BNC2: variants seen among roughly 807,000 people sequenced by gnomAD.
The protein encoded by BNC2 is basonuclin zinc finger protein 2.
A neutral mutation model predicts 76.3 loss-of-function variants in BNC2; 20 were observed. The ratio of observed to expected loss-of-function variants is 0.26; its 90% CI spans 0.18 to 0.38. The LOEUF is 0.38. Ranked by LOEUF, BNC2 falls within the 10% of genes least tolerant of loss-of-function variation. The pLI is 1.00. For missense variants in BNC2, 1,382 were observed against 1,399.8 expected (o/e 0.99, Z 0.20); for synonymous variants, 582 against 514.8 (o/e 1.13, Z -1.77).
At chr9:16,864,354 T>C (rs893508255) in intron 1 of BNC2, among the ~76,000 whole-genome samples, 25 of 152,230 alleles carry the variant, frequency 1.6e-4, no homozygotes, top group African/African-American at 5.5e-4. Flanking sequence ...GTACTAAAAA[T>C]AGTTATGTTA....
intron 5 of BNC2, among the ~76,000 whole-genome samples, chr9:16,545,228 C>A (rs573648212): frequency 6.6e-6 from 1 of 152,174 alleles, no homozygotes; most frequent in African/African-American, 2.4e-5. Context: ...CTAAGAGGTA[C>A]AGTGAAATCC....
At chr9:16,512,613 CATTT>C (rs569484149) in intron 5 of BNC2, among the ~76,000 whole-genome samples, 61 of 152,220 alleles carry the variant, frequency 4.0e-4, no homozygotes, top group Middle Eastern at 3.4e-3. Flanking sequence ...TTACTTTATA[CATTT>C]ATTTGCGAGG....
chr9:16,691,504 CT>C lies in BNC2; in HGVS notation c.330+36292del, dbSNP rs71327842. ...CCAGATCCACGGATGGGTATGGGTT[CT>C]TTTTTTTTTTTTTTTTTTTTTTGAA... On this transcript the variant is annotated intron_variant, in intron 3 of 6. Coordinates refer to ENST00000380672, the MANE Select transcript of BNC2 (RefSeq NM_017637.6). Among the ~76,000 whole-genome samples, 1,128 of 113,154 alleles carry C rather than the reference CT, an allele frequency of 1.0e-2. 7 individuals carry two copies. Among genetic ancestry groups the C allele is most frequent in the African/African-American group, 0.036 (1,031 of 28,346 alleles). 74.2% of individuals were successfully genotyped at this position (113,154 alleles called of 152,430 possible). A position where few individuals can be genotyped will look rare whatever the true frequency, so the allele number is the denominator to read the frequency against.
intron 1 of BNC2, among the ~76,000 whole-genome samples, chr9:16,852,669 T>C (rs967820953): frequency 6.6e-6 from 1 of 151,686 alleles, no homozygotes; most frequent in Admixed American, 6.6e-5. Context: ...AAGAAAAAAA[T>C]CAGGGTAAGA....
chr9:16,692,998 C>T (rs533709129), intron 3 of BNC2, among the ~76,000 whole-genome samples: 17 of 112,946 alleles, frequency 1.5e-4, no homozygotes, highest in Middle Eastern at 4.6e-3. Flanking sequence ...GGCATGGTGG[C>T]GGGCACCTGT....
intron 1 of BNC2, among the ~76,000 whole-genome samples, chr9:16,778,151 AT>A (rs1223236534): frequency 6.6e-6 from 1 of 152,202 alleles, no homozygotes; most frequent in Non-Finnish European, 1.5e-5. Context: ...ATGAAAAACA[AT>A]GACTCTCATA....
intron 5 of BNC2, among the ~76,000 whole-genome samples, chr9:16,460,545 C>G (rs1209732060): frequency 6.6e-6 from 1 of 152,130 alleles, no homozygotes; most frequent in Non-Finnish European, 1.5e-5. Flanking sequence ...ATCACTTGTA[C>G]TCGGGAGGCA....
rs776813818 is a variant in BNC2, at chr9:16,857,242, T to C, written c.3+13404A>G. 5.9e-5 allele frequency among the ~76,000 whole-genome samples: 9 copies of C among 151,510 alleles called. No homozygotes were observed. The East Asian group carries it at 1.6e-3, about 26-fold the overall frequency. On this transcript the variant is annotated intron_variant, in intron 1 of 6. Transcript: ENST00000380672. The stretch of plus-strand genomic sequence containing the variant: ...CATGTAATCCCAGCACTTTGGGAGG[T>C]TGAGGTGGGCAGATCACCAGAGGTC...
chr9:16,471,485 G>A, intron 5 of BNC2, among the ~76,000 whole-genome samples: 1 of 151,946 alleles, frequency 6.6e-6, no homozygotes, highest in East Asian at 1.9e-4. Context: ...GTAGAGACAG[G>A]GTTTCACTAT....
At chr9:16,774,770 CA>C (rs1240934019) in intron 1 of BNC2, among the ~76,000 whole-genome samples, 1 of 152,104 alleles carries the variant, frequency 6.6e-6, no homozygotes, top group Non-Finnish European at 1.5e-5. Flanking sequence ...ACTAAGGCTA[CA>C]AAATATTTAA....
At chr9:16,532,550 G>A (rs1818014947) in intron 5 of BNC2, among the ~76,000 whole-genome samples, 1 of 152,162 alleles carries the variant, frequency 6.6e-6, no homozygotes, top group African/African-American at 2.4e-5. Context: ...GCCAGCCTAT[G>A]AGAGCTGATT....
chr9:16,767,445 T>C (rs566960757), intron 1 of BNC2, among the ~76,000 whole-genome samples: 1 of 152,252 alleles, frequency 6.6e-6, no homozygotes, highest in Non-Finnish European at 1.5e-5. Flanking sequence ...AAAACTCAAA[T>C]CAGGCTAGTA....
At chr9:16,762,344 G>A (rs1455596958) in intron 1 of BNC2, among the ~76,000 whole-genome samples, 1 of 152,164 alleles carries the variant, frequency 6.6e-6, no homozygotes, top group Non-Finnish European at 1.5e-5. Context: ...AAGACATCCA[G>A]AGATCTTTAC....
At chr9:16,726,559 TAAAA>T (rs35579154) in intron 3 of BNC2, among the ~76,000 whole-genome samples, 1,600 of 102,410 alleles carry the variant, frequency 0.016, 18 homozygotes, top group African/African-American at 0.039. Context: ...AAAAGCTTTT[TAAAA>T]AAAAAAAAAA....
chr9:16,573,012 G>A (rs1288727450), intron 4 of BNC2, among the ~76,000 whole-genome samples: 1 of 152,056 alleles, frequency 6.6e-6, no homozygotes, highest in Non-Finnish European at 1.5e-5. Context: ...AAGATCATTT[G>A]CATCTAGGAG....
intron 3 of BNC2, among the ~76,000 whole-genome samples, chr9:16,617,542 A>C (rs1159380763): frequency 6.6e-6 from 1 of 151,966 alleles, no homozygotes; most frequent in Non-Finnish European, 1.5e-5. Context: ...AAAAAAAAAA[A>C]AACCACGATT....
At chr9:16,594,343 T>C (rs534797199) in intron 3 of BNC2, among the ~76,000 whole-genome samples, 20 of 152,294 alleles carry the variant, frequency 1.3e-4, no homozygotes, top group Middle Eastern at 3.4e-3. Context: ...CCTAAGTCAG[T>C]ATCTTTCCCT....
intron 1 of BNC2, among the ~76,000 whole-genome samples, chr9:16,837,204 T>A (rs1156396089): frequency 6.6e-6 from 1 of 152,106 alleles, no homozygotes; most frequent in Non-Finnish European, 1.5e-5. Flanking sequence ...TGAAACATAA[T>A]CTTAGAAAAC....
At chr9:16,723,254 C>T (rs1587353092) in intron 3 of BNC2, among the ~76,000 whole-genome samples, 2 of 152,038 alleles carry the variant, frequency 1.3e-5, no homozygotes, top group Admixed American at 1.3e-4. Flanking sequence ...TGGATGATGC[C>T]TGGCAATGAA....
Sources: allele counts gnomAD v4.1 joint callset (sites outside exome capture counted in the v4.1 genomes callset), GRCh38; gene constraint gnomAD v4.1.1; transcripts MANE v1.5; gene names NCBI Gene and HGNC (gene_info 2026-07-23, HGNC 2026-07-21).